The following GRIK2 variants were observed in gnomAD, a reference collection of about 807,000 sequenced individuals.
The protein encoded by GRIK2 is glutamate ionotropic receptor kainate type subunit 2, also known as glutamate receptor ionotropic, kainate 2.
Under a neutral mutation model 100.3 loss-of-function variants are expected in GRIK2, and 32 were observed. That is an observed-to-expected ratio of 0.32 (90% CI 0.24 to 0.43). The LOEUF (loss-of-function observed/expected upper bound fraction) is 0.43, where lower values mean the gene tolerates loss of function less well. Among genes scored for constraint, GRIK2 ranks in the 20% least tolerant of loss-of-function variants. The pLI, the probability that GRIK2 is intolerant of heterozygous loss-of-function variation, is 1.00. For synonymous variants in GRIK2, 417 were observed against 389.4 expected, an observed-to-expected ratio of 1.07 and a Z score of -0.83; for missense variants, 843 against 1,114.9, an observed-to-expected ratio of 0.76 and a Z score of 3.47.
At chr6:101,917,145 T>TATC (rs1789169364) in intron 12 of GRIK2, among the ~76,000 whole-genome samples, 1 of 151,708 alleles carries the variant, frequency 6.6e-6, no homozygotes, top group Admixed American at 6.6e-5. Flanking sequence ...AGGCCATTTA[T>TATC]GGGTTAAACT....
At chr6:102,016,784 A>G (rs1009057316) in intron 14 of GRIK2, among the ~76,000 whole-genome samples, 3 of 152,054 alleles carry the variant, frequency 2.0e-5, no homozygotes, top group Non-Finnish European at 4.4e-5. Context: ...AACTCCCACA[A>G]AATATTTCAC....
intron 7 of GRIK2, among the ~76,000 whole-genome samples, chr6:101,788,067 G>GT (rs922920441): frequency 3.3e-5 from 5 of 151,746 alleles, no homozygotes; most frequent in Admixed American, 6.6e-5. Context: ...TCTTTGTACT[G>GT]TTTTTTGACT....
rs193297247 is a variant in GRIK2 at position 101,591,634 on chromosome 6, G to T, written c.116-30315G>T. The stretch of plus-strand genomic sequence containing the variant: ...ATAATAGTCCCATATTAAAATAGAA[G>T]AAGTGGATTAACAGTGATGTTAACA... On this transcript the variant is annotated intron_variant, in intron 2 of 16. Transcript: ENST00000369134. Among the ~76,000 whole-genome samples the T allele has an allele frequency of 6.6e-5, 10 of 152,016 alleles. 1 individual carries two copies. In the East Asian group the frequency reaches 1.8e-3, roughly 27 times the overall value.
chr6:101,767,833 A>G (rs915707605), intron 7 of GRIK2, among the ~76,000 whole-genome samples: 2 of 151,892 alleles, frequency 1.3e-5, no homozygotes, highest in Admixed American at 1.3e-4. Flanking sequence ...TGTCATAAAT[A>G]TAGGTCTAGA....
In GRIK2 at chr6:101,924,656, G is replaced by A; in HGVS notation, c.1804G>A (p.Val602Met). 1 of 1,612,516 alleles carries A rather than the reference G, an allele frequency of 6.2e-7. No individual in the cohort carries two copies. The highest frequency in any genetic ancestry group is 8.5e-7 in the Non-Finnish European group (1 of 1,178,508). The change falls in exon 13 of 17, where the codon GTG (valine) becomes ATG (methionine). Residue 602 changes from valine (V) to methionine (M), a missense_variant. By Grantham distance (21) the Val-to-Met change is conservative (BLOSUM62 1). Around this residue, in one of 3 missense-constraint regions of GRIK2, gnomAD observed 237 missense variants for 388.0 expected, o/e 0.61. Transcript: ENST00000369134. ...CCCTTGCAACCCTGACTCAGACGTG[G>A]TGGAAAACAATTTTACCTTGCTAAA... is the stretch of plus-strand genomic sequence containing the variant. ...PHPCNPDSDVVENNFTLLNSF... is the reference protein window; with the variant it reads ...PHPCNPDSDVMENNFTLLNSF...
In GRIK2 at chr6:101,573,166, C is replaced by T. The variant is rs547372266; in HGVS notation, c.116-48783C>T. On this transcript the variant is annotated intron_variant, in intron 2 of 16. Transcript: ENST00000369134. ...CAGACACTTTAAGTTTGATAATTCACGTGTGGTGATGGTTGTGATGTCTGG... is the reference window on the plus strand; with the variant it reads ...CAGACACTTTAAGTTTGATAATTCATGTGTGGTGATGGTTGTGATGTCTGG... 1.8e-4 allele frequency among the ~76,000 whole-genome samples: 28 copies of T among 152,136 alleles called. No homozygotes were observed. The East Asian group carries it at 4.1e-3, about 22-fold the overall frequency.
At chr6:101,975,865 A>G (rs369611777) in intron 14 of GRIK2, among the ~76,000 whole-genome samples, 4 of 143,976 alleles carry the variant, frequency 2.8e-5, no homozygotes, top group South Asian at 2.2e-4. Flanking sequence ...CCATCCATCC[A>G]TTCAACTGTC....
chr6:101,860,862 G>A (rs1582400845), intron 11 of GRIK2: 2 of 533,042 alleles, frequency 3.8e-6, no homozygotes, highest in Non-Finnish European at 4.8e-6. Flanking sequence ...TTGTTTTAGG[G>A]GCTTTGGATT....
At chr6:101,849,028 T>C (rs1562436530) in intron 10 of GRIK2, among the ~76,000 whole-genome samples, 1 of 152,002 alleles carries the variant, frequency 6.6e-6, no homozygotes, top group Admixed American at 6.6e-5. Flanking sequence ...TAAAAATTTT[T>C]AGTTTAGATG....
Position 101,913,973 on chromosome 6 carries a change from G to A in GRIK2, c.1749-10628G>A, listed in dbSNP as rs1340283. Among the ~76,000 whole-genome samples, 871 of 151,480 alleles carry A rather than the reference G, an allele frequency of 5.7e-3. 8 individuals carry two copies. The highest frequency in any genetic ancestry group is 0.02 in the African/African-American group (813 of 41,414). The stretch of plus-strand genomic sequence containing the variant: ...CAGATTCTTGATCAATGAATAAAAA[G>A]TATTAAAGTTTGAGAAGATTTACTT... On this transcript the variant is annotated intron_variant, in intron 12 of 16. Coordinates refer to ENST00000369134, the MANE Select transcript of GRIK2 (RefSeq NM_021956.5).
chr6:101,792,012 A>C (rs1779901681), intron 7 of GRIK2, among the ~76,000 whole-genome samples: 1 of 151,834 alleles, frequency 6.6e-6, no homozygotes, highest in South Asian at 2.1e-4. Flanking sequence ...CTGTTTTATC[A>C]GAGACTAGGA....
chr6:101,905,830 T>C (rs1788181497), intron 12 of GRIK2, among the ~76,000 whole-genome samples: 1 of 151,490 alleles, frequency 6.6e-6, no homozygotes, highest in Non-Finnish European at 1.5e-5. Context: ...AACCTGCCAG[T>C]CACTATACCT....
chr6:101,540,911 A>G (rs549535145), intron 2 of GRIK2, among the ~76,000 whole-genome samples: 2 of 152,094 alleles, frequency 1.3e-5, no homozygotes, highest in African/African-American at 4.8e-5. Context: ...TATTAGAGCC[A>G]TTAATACACC....
At chr6:102,027,843 T>G (rs1004718704) in intron 14 of GRIK2, among the ~76,000 whole-genome samples, 1 of 151,100 alleles carries the variant, frequency 6.6e-6, no homozygotes. Flanking sequence ...TAAGATATCT[T>G]TAAAAAGAAG....
chr6:101,784,961 A>G (rs930435845), intron 7 of GRIK2, among the ~76,000 whole-genome samples: 1 of 152,024 alleles, frequency 6.6e-6, no homozygotes, highest in Non-Finnish European at 1.5e-5. Flanking sequence ...TTTGGTTTGC[A>G]TTTGTTATTG....
intron 15 of GRIK2, among the ~76,000 whole-genome samples, chr6:102,044,514 G>A (rs1030081031): frequency 3.3e-5 from 5 of 151,868 alleles, no homozygotes; most frequent in African/African-American, 1.2e-4. Context: ...GGCAGCAAGA[G>A]AAAAATGAGA....
intron 2 of GRIK2, among the ~76,000 whole-genome samples, chr6:101,497,111 T>C (rs1773485693): frequency 6.6e-6 from 1 of 152,200 alleles, no homozygotes; most frequent in South Asian, 2.1e-4. Context: ...AGGTACTGTC[T>C]TTTTCATTTT....
intron 2 of GRIK2, among the ~76,000 whole-genome samples, chr6:101,556,399 A>G (rs1776754669): frequency 1.6e-5 from 2 of 125,812 alleles, no homozygotes; most frequent in African/African-American, 3.0e-5. Flanking sequence ...CAGTGGCGCG[A>G]TCTCGGCTCA....
chr6:101,665,648 T>C (rs1769973383), intron 4 of GRIK2, among the ~76,000 whole-genome samples: 1 of 152,200 alleles, frequency 6.6e-6, no homozygotes, highest in Non-Finnish European at 1.5e-5. Flanking sequence ...TATACAAATA[T>C]ATAGGAGCAA....
Sources: allele counts gnomAD v4.1 joint callset (sites outside exome capture counted in the v4.1 genomes callset), GRCh38; gene constraint gnomAD v4.1.1; regional missense constraint gnomAD v4.1.1; transcripts MANE v1.5; gene names NCBI Gene and HGNC (gene_info 2026-07-23, HGNC 2026-07-21).